The following RGS3 variants were observed in gnomAD, a reference collection of about 807,000 sequenced individuals.
The protein encoded by RGS3 is regulator of G protein signaling 3, also known as regulator of G-protein signalling 3.
Under a neutral mutation model 132.6 loss-of-function variants are expected in RGS3, and 80 were observed. The observed-to-expected ratio is 0.60, with a 90% CI of 0.50 to 0.73. The LOEUF is 0.73. Ranked by LOEUF, RGS3 falls within the 30% of genes least tolerant of loss-of-function variation. The probability of loss-of-function intolerance (pLI) is 0.00; values close to 1 mark genes in which losing one functional copy is unlikely to be tolerated. For missense variants in RGS3, 1,382 were observed against 1,530.8 expected, an observed-to-expected ratio of 0.90 and a Z score of 1.62; for synonymous variants, 598 against 620.6, an observed-to-expected ratio of 0.96 and a Z score of 0.54.
chr9:113,584,169 C>A (rs376017462), exon 20 of RGS3: 1 of 1,614,244 alleles, frequency 6.2e-7, no homozygotes, highest in Non-Finnish European at 8.5e-7. Context: ...GCAGCATGAT[C>A]GAGACGGGCC....
intron 1 of RGS3, among the ~76,000 whole-genome samples, chr9:113,446,389 G>A (rs1829101109): frequency 6.6e-6 from 1 of 152,184 alleles, no homozygotes; most frequent in African/African-American, 2.4e-5. Context: ...AGCTTTGTAA[G>A]AAAATTTTCC....
chr9:113,511,734 G>T (rs1051997422), intron 14 of RGS3, among the ~76,000 whole-genome samples: 10 of 152,088 alleles, frequency 6.6e-5, no homozygotes, highest in Non-Finnish European at 1.2e-4. Flanking sequence ...GAGACTGGGG[G>T]CCCAGGACCC....
At chr9:113,536,648 G>T in intron 18 of RGS3, 148 bp from the exon 17 acceptor site, 3 of 1,490,684 alleles carry the variant, frequency 2.0e-6, no homozygotes, top group Non-Finnish European at 2.7e-6. Flanking sequence ...TGTCACTGGG[G>T]ATTAGTGTGC....
intron 1 of RGS3, among the ~76,000 whole-genome samples, chr9:113,447,329 G>GTGTGTATATATATATATATATATATA (rs1554751009): frequency 3.6e-5 from 1 of 27,536 alleles, no homozygotes; most frequent in Non-Finnish European, 7.5e-5. Context: ...GTATGTATAT[G>GTGTGTATATATATATATATATATATA]TATATATATA....
At chr9:113,461,989 G>A in intron 2 of RGS3, 1 of 1,608,252 alleles carries the variant, frequency 6.2e-7, no homozygotes, top group Non-Finnish European at 8.5e-7. Context: ...TTCAGGCCAT[G>A]GCTAACTCAT....
chr9:113,573,387 G>C (rs992426164), intron 19 of RGS3, among the ~76,000 whole-genome samples: 1 of 152,160 alleles, frequency 6.6e-6, no homozygotes, highest in Non-Finnish European at 1.5e-5. Flanking sequence ...AGGAGCAGAG[G>C]GGCACCACCA....
intron 23 of RGS3, chr9:113,595,358 G>A: frequency 8.9e-6 from 5 of 563,166 alleles, no homozygotes; most frequent in Non-Finnish European, 1.6e-5. Flanking sequence ...AGACAGAATC[G>A]ATAGTCCCCA....
At chr9:113,452,643 T>C (rs1829269389) in intron 1 of RGS3, among the ~76,000 whole-genome samples, 1 of 151,762 alleles carries the variant, frequency 6.6e-6, no homozygotes, top group Admixed American at 6.6e-5. Flanking sequence ...CCAGTTATTA[T>C]ACATATCTAT....
intron 16 of RGS3, among the ~76,000 whole-genome samples, chr9:113,518,105 T>A (rs1251810457): frequency 6.6e-6 from 1 of 152,244 alleles, no homozygotes; most frequent in African/African-American, 2.4e-5. Flanking sequence ...GGTGCTGACA[T>A]GGGACCTGTG....
chr9:113,495,934 G>T (rs1830668957), intron 8 of RGS3, 88 bp downstream of exon 6: 2 of 1,193,252 alleles, frequency 1.7e-6, no homozygotes, highest in East Asian at 4.7e-5. Flanking sequence ...CTTGGGCAGG[G>T]CTTCTCTCTG....
exon 20 of RGS3, chr9:113,583,704 G>A (rs1834945260): frequency 8.1e-6 from 13 of 1,613,930 alleles, no homozygotes; most frequent in Non-Finnish European, 1.0e-5. Flanking sequence ...GCAAGGATGT[G>A]CCACCATGCC....
chr9:113,575,968 G>A (rs1320741474), intron 19 of RGS3, among the ~76,000 whole-genome samples: 6 of 152,112 alleles, frequency 3.9e-5, no homozygotes, highest in East Asian at 3.9e-4. Flanking sequence ...TGAGGTTTAC[G>A]AATGTGTATT....
chr9:113,462,439 C>T (rs908105926), intron 3 of RGS3, among the ~76,000 whole-genome samples: 3 of 152,224 alleles, frequency 2.0e-5, no homozygotes, highest in African/African-American at 7.2e-5. Flanking sequence ...TTCTGCTCCT[C>T]GCTGGTGGCC....
intron 19 of RGS3, among the ~76,000 whole-genome samples, chr9:113,538,848 C>G (rs1832789360): frequency 6.6e-6 from 1 of 152,228 alleles, no homozygotes; most frequent in African/African-American, 2.4e-5. Context: ...CCTCCCGGGC[C>G]TAAGAACTGG....
intron 1 of RGS3, among the ~76,000 whole-genome samples, chr9:113,453,831 A>T (rs1046698883): frequency 1.3e-5 from 2 of 149,642 alleles, no homozygotes; most frequent in African/African-American, 2.5e-5. Context: ...CCATGTCTTT[A>T]CTTCACATAC....
intron 19 of RGS3, among the ~76,000 whole-genome samples, chr9:113,560,700 A>C (rs111647881): frequency 2.6e-5 from 4 of 152,348 alleles, no homozygotes; most frequent in East Asian, 1.9e-4. Context: ...TAGACTCCCA[A>C]ACCAGGGCTG....
At chr9:113,496,592 C>G (rs1208768924) in intron 8 of RGS3, among the ~76,000 whole-genome samples, 2 of 151,904 alleles carry the variant, frequency 1.3e-5, no homozygotes, top group Non-Finnish European at 2.9e-5. Context: ...ACTCTGTTGC[C>G]CAGGCTGGAA....
At chr9:113,511,088 G>A (rs1831380287) in intron 14 of RGS3, among the ~76,000 whole-genome samples, 1 of 152,158 alleles carries the variant, frequency 6.6e-6, no homozygotes, top group East Asian at 1.9e-4. Context: ...AGGGTCTGGT[G>A]CCCTTCCGGA....
chr9:113,497,693 C>G (rs188459067), intron 9 of RGS3, among the ~76,000 whole-genome samples: 4 of 152,184 alleles, frequency 2.6e-5, no homozygotes, highest in Non-Finnish European at 5.9e-5. Context: ...CCAGTGGCCC[C>G]TTCCCAGCTC....
Sources: gnomAD v4.1 joint callset for allele counts (sites outside exome capture counted in the v4.1 genomes callset) on GRCh38, gnomAD v4.1.1 for gene constraint, MANE v1.5 for transcripts, NCBI Gene and HGNC (gene_info 2026-07-23, HGNC 2026-07-21) for gene names.